ADGRF5: variants seen among roughly 807,000 people sequenced by gnomAD.
ADGRF5 encodes the protein adhesion G protein-coupled receptor F5.
In ADGRF5, 75 loss-of-function variants were observed where a neutral mutation model predicts 132.3. The observed-to-expected ratio is 0.57, with a 90% confidence interval of 0.47 to 0.69. The LOEUF is 0.69. Among genes scored for constraint, ADGRF5 ranks in the 30% least tolerant of loss-of-function variants. The pLI, the probability that ADGRF5 is intolerant of heterozygous loss-of-function variation, is 0.00. For missense variants in ADGRF5, 1,516 were observed against 1,630.6 expected (o/e 0.93, Z 1.21); for synonymous variants, 629 against 597.6 (o/e 1.05, Z -0.77).
Position 46,876,917 on chromosome 6 carries a change from A to T in ADGRF5, c.1240+1285T>A, listed in dbSNP as rs964623397. Among the ~76,000 whole-genome samples, 7 of 152,314 alleles carry T rather than the reference A, an allele frequency of 4.6e-5. No individual in the cohort carries two copies. In the South Asian group the frequency reaches 6.2e-4, roughly 14 times the overall value. On this transcript the variant is annotated intron_variant, in intron 10 of 20. Transcript: ENST00000283296. The stretch of plus-strand genomic sequence containing the variant: ...ACCGCCCCTGTTCTGATAATTTTTT[A>T]AAAATAATTTAATCAATTTCCATAG...
At chr6:46,856,151 T>C (rs1769023241) in intron 19 of ADGRF5, 93 bp from the exon 20 acceptor site, 1 of 722,080 alleles carries the variant, frequency 1.4e-6, no homozygotes. Flanking sequence ...CACCCTCTAG[T>C]GGTCACTGCC....
At chr6:46,863,419 G>A (rs1208954444) in intron 14 of ADGRF5, 8 of 430,450 alleles carry the variant, frequency 1.9e-5, no homozygotes, top group Non-Finnish European at 2.2e-5. Context: ...TAAGTAAATC[G>A]GAATCGTCAG....
intron 1 of ADGRF5, among the ~76,000 whole-genome samples, chr6:46,931,471 T>C (rs1030457281): frequency 2.0e-5 from 3 of 152,352 alleles, no homozygotes; most frequent in African/African-American, 7.2e-5. Context: ...TTAGCTGTTC[T>C]CATCTCCCTT....
At chr6:46,899,016 G>A (rs1774471215) in intron 3 of ADGRF5, among the ~76,000 whole-genome samples, 1 of 152,152 alleles carries the variant, frequency 6.6e-6, no homozygotes, top group Non-Finnish European at 1.5e-5. Flanking sequence ...CCTCTACTGG[G>A]GGTGGTAAAG....
intron 15 of ADGRF5, 41 bp from the exon 16 acceptor site, chr6:46,860,935 C>T (rs773870746): frequency 8.7e-6 from 13 of 1,495,760 alleles, no homozygotes; most frequent in African/African-American, 1.4e-5. Context: ...ATTTACCAAT[C>T]AATTCAGCTA....
rs1459472952 is a variant in ADGRF5, at chr6:46,905,273, A to T, written c.102+1388T>A. On this transcript the variant is annotated intron_variant, in intron 2 of 20. Coordinates refer to ENST00000283296, the MANE Select transcript of ADGRF5 (RefSeq NM_001098518.2). ...TATTTAAATAGGAAGGCTATTGTGT[A>T]TGAGTGTACAGGTTGTACTCTGCAC... The T allele has an allele frequency of 4.6e-5, 7 of 152,320 alleles. No homozygotes were observed. In the South Asian group the frequency reaches 1.5e-3, roughly 32 times the overall value. 9.4% of individuals were successfully genotyped at this position (152,320 alleles called of 1,614,324 possible). A position where few individuals can be genotyped will look rare whatever the true frequency, so the allele number is the denominator to read the frequency against.
At chr6:46,911,413 G>A (rs895427281) in intron 1 of ADGRF5, among the ~76,000 whole-genome samples, 1 of 152,224 alleles carries the variant, frequency 6.6e-6, no homozygotes, top group Non-Finnish European at 1.5e-5. Context: ...AGGGACAGGA[G>A]TAATTACTGT....
intron 1 of ADGRF5, among the ~76,000 whole-genome samples, chr6:46,938,263 T>C (rs1777923011): frequency 3.3e-5 from 5 of 152,204 alleles, no homozygotes; most frequent in Admixed American, 3.3e-4. Flanking sequence ...TCCTTTCTGC[T>C]GGCCTCAGAC....
intron 10 of ADGRF5, among the ~76,000 whole-genome samples, chr6:46,877,306 T>TCTCCTTCCTTCCTTCCTTCC (rs369575219): frequency 7.8e-5 from 6 of 77,192 alleles, no homozygotes; most frequent in African/African-American, 3.4e-4. Flanking sequence ...TCTCTCTCTC[T>TCTCCTTCCTTCCTTCCTTCC]TTCCTTCCTT....
At chr6:46,915,152 G>A (rs144831157) in intron 1 of ADGRF5, among the ~76,000 whole-genome samples, 1,766 of 152,020 alleles carry the variant, frequency 0.012, 14 homozygotes, top group Non-Finnish European at 0.018. Flanking sequence ...CACTGCACCC[G>A]GCCCAGTTTG....
chr6:46,873,102 A>G (rs184213970), intron 10 of ADGRF5, among the ~76,000 whole-genome samples: 58 of 152,020 alleles, frequency 3.8e-4, no homozygotes, highest in Admixed American at 1.8e-3. Context: ...CACTTCTTCT[A>G]ATTCTTCCAG....
At chr6:46,947,398 T>C (rs1778335981) in intron 1 of ADGRF5, among the ~76,000 whole-genome samples, 2 of 152,258 alleles carry the variant, frequency 1.3e-5, no homozygotes, top group African/African-American at 2.4e-5. Context: ...CGTTTTGTGC[T>C]TTACCTATTT....
At chr6:46,897,824 G>A (rs1415017568) in intron 3 of ADGRF5, among the ~76,000 whole-genome samples, 1 of 152,134 alleles carries the variant, frequency 6.6e-6, no homozygotes, top group Non-Finnish European at 1.5e-5. Context: ...GATTACAGGC[G>A]TGAGCCACCA....
In ADGRF5 at chr6:46,868,740, T is replaced by G. The variant is rs1364836573; in HGVS notation, c.1621+143A>C. On this transcript the variant is annotated intron_variant, in intron 12 of 20. Coordinates refer to ENST00000283296, the MANE Select transcript of ADGRF5 (RefSeq NM_001098518.2). ...ATAATGGCATCTTCCCTCAAAGGAA[T>G]GTTGCGTTAAGTGTGAAGACATATT... 6 of 597,290 alleles carry G rather than the reference T, an allele frequency of 1.0e-5. No homozygotes were observed. The East Asian group carries it at 1.3e-4, about 13-fold the overall frequency. 37.0% of individuals were successfully genotyped at this position (597,290 alleles called of 1,614,324 possible). A position where few individuals can be genotyped will look rare whatever the true frequency, so the allele number is the denominator to read the frequency against.
intron 10 of ADGRF5, among the ~76,000 whole-genome samples, chr6:46,877,251 CT>C (rs1274913956): frequency 6.0e-5 from 2 of 33,208 alleles, no homozygotes; most frequent in Non-Finnish European, 1.1e-4. Context: ...TTCTTTCTTT[CT>C]TTCTTTCTTT....
chr6:46,927,700 G>A (rs1253471500), intron 1 of ADGRF5, among the ~76,000 whole-genome samples: 1 of 152,112 alleles, frequency 6.6e-6, no homozygotes, highest in Non-Finnish European at 1.5e-5. Flanking sequence ...TATCACAGAA[G>A]TAGACCAGCA....
intron 3 of ADGRF5, among the ~76,000 whole-genome samples, chr6:46,897,615 C>T (rs1489099377): frequency 1.3e-5 from 2 of 152,212 alleles, no homozygotes; most frequent in Non-Finnish European, 2.9e-5. Flanking sequence ...CGCGCTGTCG[C>T]CCAGGCTGGA....
At chr6:46,925,406 A>T (rs113918480), upstream of ADGRF5, among the ~76,000 whole-genome samples, 1 of 152,162 alleles carries the variant, frequency 6.6e-6, no homozygotes, top group Admixed American at 6.5e-5. Context: ...TCTCTGGTAC[A>T]CTATAATACA....
chr6:46,892,984 A>G (rs997682061), intron 3 of ADGRF5, among the ~76,000 whole-genome samples: 1 of 151,438 alleles, frequency 6.6e-6, no homozygotes, highest in African/African-American at 2.4e-5. Flanking sequence ...ATCTTTCATC[A>G]TTATACTGGA....
Sources: gnomAD v4.1 joint callset for allele counts (sites outside exome capture counted in the v4.1 genomes callset) on GRCh38, gnomAD v4.1.1 for gene constraint, MANE v1.5 for transcripts, NCBI Gene and HGNC (gene_info 2026-07-23, HGNC 2026-07-21) for gene names.